The following TPO variants were observed in gnomAD, a reference collection of about 807,000 sequenced individuals.
The protein encoded by TPO is thyroid microsomal antigen.
Under a neutral mutation model 96.9 loss-of-function variants are expected in TPO, and 78 were observed. The observed-to-expected ratio is 0.81, with a 90% CI of 0.67 to 0.97. The LOEUF (loss-of-function observed/expected upper bound fraction) is 0.97, where lower values mean the gene tolerates loss of function less well. Ranked by LOEUF, TPO falls within the 50% of genes least tolerant of loss-of-function variation. TPO has a pLI of 0.00. For synonymous variants in TPO, 547 were observed against 538.0 expected, an observed-to-expected ratio of 1.02 and a Z score of -0.23; for missense variants, 1,252 against 1,274.8, an observed-to-expected ratio of 0.98 and a Z score of 0.27.
chr2:1,495,951 A>C (rs776869938), intron 11 of TPO, 38 bp from the exon 12 acceptor site: 1 of 1,600,436 alleles, frequency 6.2e-7, no homozygotes, highest in Non-Finnish European at 8.5e-7. Context: ...GGGGTTCTCC[A>C]TGCACTGTGA....
intron 10 of TPO, among the ~76,000 whole-genome samples, chr2:1,491,670 T>C (rs1245771599): frequency 6.6e-6 from 1 of 152,246 alleles, no homozygotes; most frequent in Non-Finnish European, 1.5e-5. Context: ...GCGTCTGTTT[T>C]CTATATAAAC....
At chr2:1,392,882 T>C (rs1470652342) in intron 1 of TPO, among the ~76,000 whole-genome samples, 1 of 152,230 alleles carries the variant, frequency 6.6e-6, no homozygotes, top group Non-Finnish European at 1.5e-5. Flanking sequence ...GATTCTTCTC[T>C]CTTTTCTTCT....
intron 1 of TPO, among the ~76,000 whole-genome samples, chr2:1,396,593 G>T (rs1662083564): frequency 1.3e-5 from 2 of 152,216 alleles, no homozygotes; most frequent in South Asian, 4.1e-4. Context: ...TAAACATGGA[G>T]GGAAATTGCA....
At chr2:1,477,907 C>T (rs1441512395) in intron 8 of TPO, 1 of 985,274 alleles carries the variant, frequency 1.0e-6, no homozygotes, top group African/African-American at 1.7e-5. Context: ...TGGTGATTAT[C>T]CCACCAAGAC....
chr2:1,464,810 GA>G (rs1668753611), intron 7 of TPO, among the ~76,000 whole-genome samples: 1 of 152,192 alleles, frequency 6.6e-6, no homozygotes, highest in Admixed American at 6.5e-5. Context: ...TCCTTTGTCA[GA>G]TGTGTGGATT....
chr2:1,530,876 G>T (rs13382789), intron 15 of TPO, among the ~76,000 whole-genome samples: 134 of 9,938 alleles, frequency 0.013, no homozygotes, highest in South Asian at 0.033. Context: ...TGCAACCTCC[G>T]CAAATCCCCC....
intron 1 of TPO, among the ~76,000 whole-genome samples, chr2:1,389,581 A>T (rs1661964231): frequency 6.6e-6 from 1 of 152,104 alleles, no homozygotes; most frequent in Non-Finnish European, 1.5e-5. Context: ...ATGTCTGCAA[A>T]TGTTAGTCCT....
At position 1,436,359 on chromosome 2, in the gene TPO, C is replaced by A; in HGVS notation, c.457C>A (p.Pro153Thr). The change falls in exon 5 of 17, where the codon CCC becomes ACC. Residue 153 changes from proline (P) to threonine (T), a missense_variant. Pro to Thr is a conservative substitution (Grantham distance 38). Transcript: ENST00000329066. ...CACTTGCCTGGCGAACAAATACAGG[C>A]CCATCACAGGAGCTTGCAACAACAG... ...PNTCLANKYR[P>T]ITGACNNRDH... 1 of 1,614,192 alleles carries A rather than the reference C, an allele frequency of 6.2e-7. No individual in the cohort carries two copies. Among genetic ancestry groups the A allele is most frequent in the African/African-American group, 1.3e-5 (1 of 75,040 alleles).
intron 7 of TPO, among the ~76,000 whole-genome samples, chr2:1,465,048 C>T (rs1046871515): frequency 6.6e-6 from 1 of 152,144 alleles, no homozygotes; most frequent in Non-Finnish European, 1.5e-5. Flanking sequence ...AGACTTAAGT[C>T]CTTGATCCAT....
chr2:1,400,429 A>G (rs1323931884), intron 1 of TPO, among the ~76,000 whole-genome samples: 1 of 150,940 alleles, frequency 6.6e-6, no homozygotes, highest in African/African-American at 2.5e-5. Context: ...GGAGGCAAAG[A>G]TTGCAGTGAG....
intron 15 of TPO, among the ~76,000 whole-genome samples, chr2:1,524,606 G>A (rs544641546): frequency 2.6e-5 from 1 of 39,168 alleles, no homozygotes; most frequent in African/African-American, 1.1e-4. Flanking sequence ...CCTCAAATCC[G>A]CTCACTGTGT....
At chr2:1,524,654 TCAAATCCCCCCACTGTGGGCAACCTCCC>T (rs1676013619) in intron 15 of TPO, among the ~76,000 whole-genome samples, 11 of 52,440 alleles carry the variant, frequency 2.1e-4, no homozygotes, top group East Asian at 1.1e-3. Flanking sequence ...TGCAACCTCC[TCAAATCCCCCCACTGTGGGCAACCTCCC>T]CAAATCCCCC....
At chr2:1,443,067 C>T (rs1666349304) in intron 5 of TPO, among the ~76,000 whole-genome samples, 1 of 152,228 alleles carries the variant, frequency 6.6e-6, no homozygotes, top group Non-Finnish European at 1.5e-5. Flanking sequence ...AATACCTCAT[C>T]TCTAAAACAA....
chr2:1,389,560 G>A (rs1380222979), intron 1 of TPO, among the ~76,000 whole-genome samples: 1 of 152,022 alleles, frequency 6.6e-6, no homozygotes, highest in African/African-American at 2.4e-5. Flanking sequence ...AAACAGTCTT[G>A]GTGGGTGGAA....
intron 5 of TPO, among the ~76,000 whole-genome samples, chr2:1,447,554 C>A (rs537909664): frequency 6.6e-6 from 1 of 152,274 alleles, no homozygotes; most frequent in African/African-American, 2.4e-5. Flanking sequence ...ATTGGTCACT[C>A]ATATCTGGCT....
chr2:1,437,289 C>T (rs192450729), intron 5 of TPO, among the ~76,000 whole-genome samples: 3 of 152,246 alleles, frequency 2.0e-5, no homozygotes, highest in Admixed American at 6.5e-5. Context: ...ACAGTGTGCC[C>T]GGTGGTCACC....
intron 1 of TPO, among the ~76,000 whole-genome samples, chr2:1,382,427 T>C (rs1163854285): frequency 1.3e-5 from 2 of 152,190 alleles, no homozygotes; most frequent in African/African-American, 2.4e-5. Flanking sequence ...CTCTTGCCCA[T>C]GCCTTACTGG....
At chr2:1,519,038 A>C in intron 15 of TPO, among the ~76,000 whole-genome samples, 1 of 152,204 alleles carries the variant, frequency 6.6e-6, no homozygotes, top group East Asian at 1.9e-4. Flanking sequence ...CTTGACGGGA[A>C]GGCAGAGATC....
chr2:1,438,328 CAT>C (rs1158288194), intron 5 of TPO, among the ~76,000 whole-genome samples: 2 of 152,252 alleles, frequency 1.3e-5, no homozygotes, highest in South Asian at 2.1e-4. Context: ...TCATACTTTC[CAT>C]ATGTTTTCAA....
Sources: gnomAD v4.1 joint callset for allele counts (sites outside exome capture counted in the v4.1 genomes callset) on GRCh38, gnomAD v4.1.1 for gene constraint, MANE v1.5 for transcripts, NCBI Gene and HGNC (gene_info 2026-07-23, HGNC 2026-07-21) for gene names.